The following SUMF1 variants were observed in gnomAD, a reference collection of about 807,000 sequenced individuals.
SUMF1 encodes the protein sulfatase modifying factor 1, also known as formylglycine-generating enzyme.
Under a neutral mutation model 47.6 loss-of-function variants are expected in SUMF1, and 48 were observed. The observed-to-expected ratio is 1.01, with a 90% CI of 0.80 to 1.28. The LOEUF is 1.28. Among genes scored for constraint, SUMF1 ranks in the 50% most tolerant of loss-of-function variants. The pLI, the probability that SUMF1 is intolerant of heterozygous loss-of-function variation, is 0.00. For synonymous variants in SUMF1, 230 were observed against 192.1 expected, an observed-to-expected ratio of 1.20 and a Z score of -1.63; for missense variants, 571 against 485.4, an observed-to-expected ratio of 1.18 and a Z score of -1.66.
intron 9 of SUMF1, among the ~76,000 whole-genome samples, chr3:4,055,657 A>AT (rs1238193612): frequency 1.3e-5 from 2 of 151,894 alleles, no homozygotes; most frequent in Non-Finnish European, 2.9e-5. Flanking sequence ...TCATTTTTAC[A>AT]TTTTTTGTAG....
intron 8 of SUMF1, among the ~76,000 whole-genome samples, chr3:4,151,032 C>T (rs1248841090): frequency 1.3e-5 from 2 of 151,414 alleles, no homozygotes; most frequent in East Asian, 1.9e-4. Context: ...CAGCCTGCTT[C>T]GTCACACTTC....
At chr3:4,334,718 T>C (rs1295722047) in intron 8 of SUMF1, among the ~76,000 whole-genome samples, 1 of 152,202 alleles carries the variant, frequency 6.6e-6, no homozygotes, top group African/African-American at 2.4e-5. Flanking sequence ...ACCCATGCAG[T>C]GGAGGTAAAA....
chr3:4,050,748 C>CAAAAAAAAAAAAA (rs34228101), intron 9 of SUMF1, among the ~76,000 whole-genome samples: 4 of 86,942 alleles, frequency 4.6e-5, no homozygotes, highest in African/African-American at 1.2e-4. Flanking sequence ...GACCCTGTCT[C>CAAAAAAAAAAAAA]AAAAAAAAAA....
chr3:4,119,896 A>G (rs1693500831), intron 8 of SUMF1, among the ~76,000 whole-genome samples: 1 of 152,156 alleles, frequency 6.6e-6, no homozygotes, highest in African/African-American at 2.4e-5. Context: ...GGGTACAGCC[A>G]TGTTTGAGAA....
At position 4,449,295 on chromosome 3, in the gene SUMF1, C is replaced by A. The variant is rs1394183623; in HGVS notation, c.490G>T (p.Glu164Ter). The change falls in exon 3 of 9, where the codon GAG becomes TAG. Residue 164 changes from glutamate to a stop codon, truncating the protein, a stop_gained. Transcript: ENST00000272902. LOFTEE classifies it high-confidence loss of function. ...TGTTGAATATTGGTCTTCACTTGCTCACTCAACATGCCTTCAAAGACAAAG... is the reference window on the plus strand; with the variant it reads ...TGTTGAATATTGGTCTTCACTTGCTAACTCAACATGCCTTCAAAGACAAAG... ...DSFVFEGMLS[E>*]QVKTNIQQAV... The A allele has an allele frequency of 6.2e-7, 1 of 1,614,168 alleles. No individual in the cohort carries two copies. The highest frequency in any genetic ancestry group is 2.2e-5 in the East Asian group (1 of 44,882).
In SUMF1 at chr3:4,253,901, C is replaced by G. The variant is rs313667; in HGVS notation, c.1014+122429G>C. 9.4e-4 allele frequency among the ~76,000 whole-genome samples: 139 copies of G among 148,394 alleles called. 1 individual carries two copies. Among genetic ancestry groups the G allele is most frequent in the Non-Finnish European group, 1.7e-3 (112 of 67,128 alleles). On this transcript the variant is annotated intron_variant and NMD_transcript_variant, in intron 8 of 12. Transcript: ENST00000448413. ...GAAGAGAGCAGTGGTTCTCCCAGCA[C>G]GCAGCTGGAGATCTGAGAACTGGCA...
chr3:4,466,420 A>G (rs758230344), intron 1 of SUMF1, among the ~76,000 whole-genome samples: 1 of 152,058 alleles, frequency 6.6e-6, no homozygotes, highest in Non-Finnish European at 1.5e-5. Flanking sequence ...CCAGTAAGTT[A>G]TTTATATATC....
chr3:4,237,701 G>C (rs1396321647), intron 8 of SUMF1, among the ~76,000 whole-genome samples: 2 of 152,040 alleles, frequency 1.3e-5, no homozygotes, highest in Non-Finnish European at 2.9e-5. Flanking sequence ...GATCTAAGAA[G>C]TCATTGCCAA....
chr3:4,326,703 T>C (rs1698953990), intron 8 of SUMF1, among the ~76,000 whole-genome samples: 1 of 152,016 alleles, frequency 6.6e-6, no homozygotes, highest in African/African-American at 2.4e-5. Context: ...GTATTTTTAG[T>C]AGAGATGTGG....
At chr3:4,293,236 T>C (rs1280155291) in intron 8 of SUMF1, among the ~76,000 whole-genome samples, 1 of 152,140 alleles carries the variant, frequency 6.6e-6, no homozygotes. Flanking sequence ...ACATATTATA[T>C]GTAATATGTT....
intron 8 of SUMF1, among the ~76,000 whole-genome samples, chr3:4,170,297 T>G (rs1694803204): frequency 6.6e-6 from 1 of 152,166 alleles, no homozygotes; most frequent in Non-Finnish European, 1.5e-5. Flanking sequence ...CAAACTTTAG[T>G]GGGTACCAGA....
intron 8 of SUMF1, among the ~76,000 whole-genome samples, chr3:4,134,266 C>G (rs148285440): frequency 0.02 from 3,044 of 152,042 alleles, 112 homozygotes; most frequent in African/African-American, 0.068. Context: ...ATAACAAACT[C>G]TCTCTCAGAC....
intron 8 of SUMF1, among the ~76,000 whole-genome samples, chr3:4,322,092 G>A (rs1197692290): frequency 6.6e-6 from 1 of 152,064 alleles, no homozygotes; most frequent in East Asian, 1.9e-4. Context: ...TATTCCTCAA[G>A]GTCTTGGAAA....
At chr3:4,368,051 C>G (rs1285847302) in intron 8 of SUMF1, among the ~76,000 whole-genome samples, 1 of 151,932 alleles carries the variant, frequency 6.6e-6, no homozygotes, top group Non-Finnish European at 1.5e-5. Context: ...GAACAGGCAA[C>G]CTACAAAATG....
chr3:4,172,332 A>G (rs1056109326), intron 8 of SUMF1, among the ~76,000 whole-genome samples: 2 of 152,134 alleles, frequency 1.3e-5, no homozygotes, highest in Non-Finnish European at 2.9e-5. Context: ...GAAATATGAT[A>G]AGCTTGATTT....
chr3:4,061,005 T>C (rs1574850355), intron 9 of SUMF1, among the ~76,000 whole-genome samples: 2 of 152,154 alleles, frequency 1.3e-5, no homozygotes, highest in East Asian at 3.9e-4. Context: ...GAATGTCTGT[T>C]TCCAATACTT....
chr3:4,141,714 C>T (rs1468626037), intron 8 of SUMF1, among the ~76,000 whole-genome samples: 1 of 152,108 alleles, frequency 6.6e-6, no homozygotes, highest in Non-Finnish European at 1.5e-5. Flanking sequence ...AGCTATTGCA[C>T]TTTTATGGCA....
At chr3:4,097,662 G>A (rs1173154649) in intron 8 of SUMF1, among the ~76,000 whole-genome samples, 2 of 152,080 alleles carry the variant, frequency 1.3e-5, no homozygotes, top group Non-Finnish European at 2.9e-5. Flanking sequence ...TATCAAGAAA[G>A]GTGATTTTCA....
At chr3:4,220,376 G>A (rs1696034270) in intron 8 of SUMF1, among the ~76,000 whole-genome samples, 1 of 152,096 alleles carries the variant, frequency 6.6e-6, no homozygotes. Context: ...GATGTCCAAA[G>A]CATTTCAAAT....
Sources: gnomAD v4.1 joint callset for allele counts (sites outside exome capture counted in the v4.1 genomes callset) on GRCh38, gnomAD v4.1.1 for gene constraint, MANE v1.5 for transcripts, NCBI Gene and HGNC (gene_info 2026-07-23, HGNC 2026-07-21) for gene names.